Variants in STX8 observed in about 807,000 individuals in gnomAD.
STX8 encodes the protein syntaxin 8, also known as syntaxin-8.
A neutral mutation model predicts 37.5 loss-of-function variants in STX8; 23 were observed. That is an observed-to-expected ratio of 0.61 (90% CI 0.44 to 0.87). The LOEUF (loss-of-function observed/expected upper bound fraction) is 0.87, where lower values mean the gene tolerates loss of function less well. Ranked by LOEUF, STX8 falls within the 40% of genes least tolerant of loss-of-function variation. The pLI, the probability that STX8 is intolerant of heterozygous loss-of-function variation, is 0.00. For missense variants in STX8, 313 were observed against 284.7 expected (o/e 1.10, Z -0.71); for synonymous variants, 115 against 99.1 (o/e 1.16, Z -0.95).
At chr17:9,573,456 G>A (rs34753650) in intron 1 of STX8, among the ~76,000 whole-genome samples, 2,263 of 152,112 alleles carry the variant, frequency 0.015, 62 homozygotes, top group African/African-American at 0.051. Context: ...AGCCCCCCAC[G>A]CCCTTCGAGG....
At chr17:9,552,311 C>G (rs978338515) in intron 3 of STX8, among the ~76,000 whole-genome samples, 1 of 152,188 alleles carries the variant, frequency 6.6e-6, no homozygotes, top group Non-Finnish European at 1.5e-5. Context: ...CACTGCCCCC[C>G]ATCCTAGGCA....
At chr17:9,336,256 TA>T (rs1223677944) in intron 7 of STX8, among the ~76,000 whole-genome samples, 3 of 152,172 alleles carry the variant, frequency 2.0e-5, no homozygotes, top group Non-Finnish European at 4.4e-5. Context: ...AGTAGAAGCC[TA>T]AAGGAATGAT....
intron 7 of STX8, among the ~76,000 whole-genome samples, chr17:9,355,198 G>T (rs1910836376): frequency 6.6e-6 from 1 of 152,024 alleles, no homozygotes; most frequent in African/African-American, 2.4e-5. Flanking sequence ...CAGTTCTTGG[G>T]AAATTTCTGG....
intron 1 of STX8, among the ~76,000 whole-genome samples, chr17:9,569,176 G>A (rs1306611166): frequency 5.3e-5 from 8 of 152,200 alleles, no homozygotes; most frequent in Non-Finnish European, 1.2e-4. Flanking sequence ...CGCTGCACTG[G>A]GCACTGTTCT....
At chr17:9,504,139 TATGTAAAATAAGTA>T (rs1358288354) in intron 5 of STX8, among the ~76,000 whole-genome samples, 4 of 152,182 alleles carry the variant, frequency 2.6e-5, no homozygotes, top group Admixed American at 1.3e-4. Context: ...TGATTCCATT[TATGTAAAATAAGTA>T]TATTTATATT....
chr17:9,476,180 G>GAAAAC (rs774760073), intron 6 of STX8, among the ~76,000 whole-genome samples: 1 of 152,070 alleles, frequency 6.6e-6, no homozygotes, highest in Non-Finnish European at 1.5e-5. Flanking sequence ...CTCCGTCTCA[G>GAAAAC]AAAACAAAAC....
At chr17:9,514,532 G>A (rs1043317496) in intron 4 of STX8, among the ~76,000 whole-genome samples, 1 of 152,150 alleles carries the variant, frequency 6.6e-6, no homozygotes, top group African/African-American at 2.4e-5. Flanking sequence ...CTTGAACTCA[G>A]GAGGCGGATG....
chr17:9,495,179 C>T (rs1311486180), intron 5 of STX8, among the ~76,000 whole-genome samples: 1 of 152,102 alleles, frequency 6.6e-6, no homozygotes, highest in Non-Finnish European at 1.5e-5. Context: ...GTTTGACACA[C>T]TGTACTTTTT....
intron 4 of STX8, among the ~76,000 whole-genome samples, chr17:9,525,598 A>G (rs968544231): frequency 2.6e-5 from 4 of 151,998 alleles, no homozygotes; most frequent in African/African-American, 9.7e-5. Context: ...TACCCGCCTC[A>G]GCCTCCCAAA....
intron 5 of STX8, among the ~76,000 whole-genome samples, chr17:9,495,965 A>G (rs1192228250): frequency 1.3e-5 from 2 of 152,170 alleles, no homozygotes; most frequent in Non-Finnish European, 2.9e-5. Context: ...AGGCAGGAGG[A>G]CTGCTTGAGC....
chr17:9,475,152 T>C (rs17741894), intron 6 of STX8, among the ~76,000 whole-genome samples: 20,825 of 152,032 alleles, frequency 0.14, 1,541 homozygotes, highest in African/African-American at 0.17. Flanking sequence ...AAGAGCACAA[T>C]GAAATGGCAG....
At chr17:9,503,912 G>A (rs1032245550) in intron 5 of STX8, among the ~76,000 whole-genome samples, 2 of 151,986 alleles carry the variant, frequency 1.3e-5, no homozygotes, top group African/African-American at 4.8e-5. Flanking sequence ...CTACAGGTGC[G>A]TGCCACCACA....
intron 6 of STX8, among the ~76,000 whole-genome samples, chr17:9,465,917 G>A (rs576583674): frequency 1.3e-5 from 2 of 152,210 alleles, no homozygotes; most frequent in East Asian, 3.9e-4. Flanking sequence ...GAAAATGGAG[G>A]AAGTGGGTAT....
At chr17:9,397,023 T>C (rs1388933402) in intron 6 of STX8, among the ~76,000 whole-genome samples, 1 of 152,236 alleles carries the variant, frequency 6.6e-6, no homozygotes, top group Admixed American at 6.5e-5. Context: ...AAGCCCTGAA[T>C]TCTAGTTGGT....
At chr17:9,476,454 T>C (rs900151154) in intron 6 of STX8, among the ~76,000 whole-genome samples, 4 of 151,586 alleles carry the variant, frequency 2.6e-5, no homozygotes, top group Admixed American at 1.3e-4. Context: ...CTTTTCTTTT[T>C]TTTTTCTTTT....
intron 6 of STX8, among the ~76,000 whole-genome samples, chr17:9,484,689 T>C (rs1302808901): frequency 3.4e-5 from 5 of 147,754 alleles, no homozygotes; most frequent in Non-Finnish European, 7.4e-5. Flanking sequence ...TAGCCGGGCA[T>C]GGTGGTGCGT....
intron 6 of STX8, among the ~76,000 whole-genome samples, chr17:9,413,039 A>T (rs921740733): frequency 6.6e-6 from 1 of 152,240 alleles, no homozygotes; most frequent in Admixed American, 6.5e-5. Flanking sequence ...TAAGTCCTAG[A>T]TGTATAAGAA....
Position 9,361,105 on chromosome 17 carries a change from C to T in STX8, c.643+17447G>A, listed in dbSNP as rs1911047247. 2.0e-5 allele frequency among the ~76,000 whole-genome samples: 3 copies of T among 152,030 alleles called. No homozygotes were observed. In the South Asian group the frequency reaches 6.2e-4, roughly 32 times the overall value. On this transcript the variant is annotated intron_variant, in intron 7 of 7. Coordinates refer to ENST00000306357, the MANE Select transcript of STX8 (RefSeq NM_004853.3). ...TTCAATGACTGAAAATTGTCATTGC[C>T]TGGCTCTGAAATAGAAAGGAAAGGT...
intron 7 of STX8, among the ~76,000 whole-genome samples, chr17:9,288,275 T>C (rs1417109180): frequency 6.7e-6 from 1 of 148,726 alleles, no homozygotes; most frequent in East Asian, 1.9e-4. Context: ...ACAATTATCA[T>C]AGAGATAAAA....
Sources: gnomAD v4.1 joint callset for allele counts (sites outside exome capture counted in the v4.1 genomes callset) on GRCh38, gnomAD v4.1.1 for gene constraint, MANE v1.5 for transcripts, NCBI Gene and HGNC (gene_info 2026-07-23, HGNC 2026-07-21) for gene names.